Variants in APEX1 observed in about 807,000 individuals in gnomAD.
APEX1 encodes the protein DNA repair nuclease/redox regulator APEX1.
A neutral mutation model predicts 33.2 loss-of-function variants in APEX1; 32 were observed. The ratio of observed to expected loss-of-function variants is 0.96; its 90% confidence interval spans 0.73 to 1.29. The LOEUF is 1.29. Ranked by LOEUF, APEX1 falls within the 50% of genes most tolerant of loss-of-function variation. The probability of loss-of-function intolerance (pLI) is 0.00; values close to 1 mark genes in which losing one functional copy is unlikely to be tolerated. For missense variants in APEX1, 442 were observed against 395.6 expected (o/e 1.12, Z -0.99); for synonymous variants, 175 against 156.6 (o/e 1.12, Z -0.88).
At position 20,457,204 on chromosome 14, in the gene APEX1, T is replaced by C. The variant is rs755440221; in HGVS notation, c.653T>C (p.Ile218Thr). The C allele has an allele frequency of 5.7e-5, 92 of 1,614,134 alleles. No homozygotes were observed. Among genetic ancestry groups the C allele is most frequent in the East Asian group, 6.7e-5 (3 of 44,878 alleles). Residue 218 changes from isoleucine (I) to threonine (T), a missense_variant, in exon 5 of 5, where the codon ATT (isoleucine) becomes ACT (threonine). By Grantham distance (89) the Ile-to-Thr change is moderately conservative (BLOSUM62 -1). Transcript: ENST00000216714. ...GACCTCAATGTGGCACATGAAGAAA[T>C]TGACCTTCGCAACCCCAAGGGGAAC... ...CGDLNVAHEE[I>T]DLRNPKGNKK...
rs1881258935 is a variant in APEX1 at position 20,455,264 on chromosome 14, C to G, written c.-199C>G. 6 of 387,838 alleles carry G rather than the reference C, an allele frequency of 1.5e-5. No individual in the cohort carries two copies. Among genetic ancestry groups the G allele is most frequent in the Non-Finnish European group, 1.9e-5 (4 of 206,556 alleles). 24.0% of individuals were successfully genotyped at this position (387,838 alleles called of 1,614,324 possible). On this transcript the variant is annotated 5_prime_UTR_variant, in exon 1 of 5. It adds an upstream start codon to the 5' untranslated region. Coordinates refer to ENST00000216714, the MANE Select transcript of APEX1 (RefSeq NM_001641.4). ...GGGTTAGGAGGAGCTAGGCTGCCAT[C>G]GGGCCGGTGCAGATACGGGGTTGCT...
In APEX1 at chr14:20,456,666, A is replaced by G. The variant is rs1881379786; in HGVS notation, c.247-2A>G. On this transcript the variant is annotated splice_acceptor_variant, in intron 3 of 4. Transcript: ENST00000216714. LOFTEE classifies it high-confidence loss of function. ...GTTTTCCACCTTTCTTTTCACTTAC[A>G]GTGGGTAAAGGAAGAAGCCCCAGAT... 2 of 1,613,324 alleles carry G rather than the reference A, an allele frequency of 1.2e-6. No individual in the cohort carries two copies. Among genetic ancestry groups the G allele is most frequent in the South Asian group, 1.1e-5 (1 of 91,070 alleles).
At chr14:20,456,592 G>C in intron 3 of APEX1, 76 bp from the exon 4 acceptor site, 1 of 1,409,160 alleles carries the variant, frequency 7.1e-7, no homozygotes, top group Non-Finnish European at 1.0e-6. Context: ...GCGTATCTAT[G>C]ACTTAGCATA....
Position 20,455,678 on chromosome 14 carries a change from G to C in APEX1, c.33G>C (p.Ala11=). 6.2e-7 allele frequency: 1 copy of C among 1,614,098 alleles called. No individual in the cohort carries two copies. The highest frequency in any genetic ancestry group is 1.3e-5 in the African/African-American group (1 of 75,034). Residue 11 remains alanine, a synonymous_variant, in exon 2 of 5, where the codon GCG becomes GCC. Transcript: ENST00000216714. ...AGCGTGGGAAAAAGGGAGCGGTGGC[G>C]GAAGACGGGGATGAGCTCAGGACAG... MPKRGKKGAV[A]EDGDELRTEP...
At chr14:20,455,817 T>C (rs1881301153) in intron 2 of APEX1, 97 bp from the exon 3 acceptor site, 1 of 1,613,586 alleles carries the variant, frequency 6.2e-7, no homozygotes, top group Non-Finnish European at 8.5e-7. Flanking sequence ...TGTGAAGAAG[T>C]CGCAGGAACC....
At chr14:20,456,194 T>C in intron 3 of APEX1, 93 bp downstream of exon 3, 1 of 1,432,526 alleles carries the variant, frequency 7.0e-7, no homozygotes, top group Non-Finnish European at 9.7e-7. Flanking sequence ...TCAGGCTGTT[T>C]TATTTTTCTC....
Position 20,457,073 on chromosome 14 carries a change from T to C in APEX1, c.522T>C (p.Asn174=), listed in dbSNP as rs1017230745. 9.9e-6 allele frequency: 16 copies of C among 1,614,228 alleles called. No individual in the cohort carries two copies. Among genetic ancestry groups the C allele is most frequent in the Non-Finnish European group, 1.4e-5 (16 of 1,180,030 alleles). ...SFVLVTAYVP[N]AGRGLVRLEY... ...TGCTGGTAACAGCATATGTACCTAATGCAGGCCGAGGTCTGGTACGACTGG... is the reference window on the plus strand; with the variant it reads ...TGCTGGTAACAGCATATGTACCTAACGCAGGCCGAGGTCTGGTACGACTGG... Residue 174 remains asparagine (N), a synonymous_variant, in exon 5 of 5, where the codon AAT becomes AAC. Transcript: ENST00000216714.
At chr14:20,455,840 T>A in intron 2 of APEX1, 74 bp from the exon 3 acceptor site, 1 of 1,613,766 alleles carries the variant, frequency 6.2e-7, no homozygotes, top group East Asian at 2.2e-5. Flanking sequence ...AGGCTTTCGT[T>A]GGGTCTATAG....
intron 4 of APEX1, 54 bp from the exon 5 acceptor site, chr14:20,456,937 A>G: frequency 6.2e-7 from 1 of 1,603,966 alleles, no homozygotes; most frequent in Non-Finnish European, 8.5e-7. Flanking sequence ...CCACCTCTTG[A>G]TTGCTTTCCC....
chr14:20,455,537 C>T, intron 1 of APEX1, 41 bp from the exon 2 acceptor site: 1 of 1,582,544 alleles, frequency 6.3e-7, no homozygotes, highest in Non-Finnish European at 8.6e-7. Context: ...GGAGTCTTCT[C>T]CCCAGCCTTA....
At position 20,456,118 on chromosome 14, in the gene APEX1, GGAAA is replaced by G. The variant is rs562122300; in HGVS notation, c.246+20_246+23del. 224 of 1,612,844 alleles carry G rather than the reference GGAAA, an allele frequency of 1.4e-4. No individual in the cohort carries two copies. In the African/African-American group the frequency reaches 2.5e-3, roughly 18 times the overall value. ...GGATTAGATGTGAGTGGAATTTGAG[GGAAA>G]GAGACATTTTTTAGTATTGAATGGT... On this transcript the variant is annotated intron_variant, in intron 3 of 4. Coordinates refer to ENST00000216714, the MANE Select transcript of APEX1 (RefSeq NM_001641.4).
Position 20,457,489 on chromosome 14 carries a change from C to G in APEX1, c.938C>G (p.Thr313Ser), listed in dbSNP as rs761255137. Residue 313 changes from threonine to serine, a missense_variant, in exon 5 of 5, where the codon ACC (threonine) becomes AGC (serine). Coordinates refer to ENST00000216714, the MANE Select transcript of APEX1 (RefSeq NM_001641.4). The part of the protein sequence containing the change: ...KALGSDHCPI[T>S]LYLAL Reference sequence around the variant, plus strand: ...CTCGGCAGTGATCACTGTCCTATCACCCTATACCTAGCACTGTGACACCAC... The same window carrying G: ...CTCGGCAGTGATCACTGTCCTATCAGCCTATACCTAGCACTGTGACACCAC... 1.2e-6 allele frequency: 2 copies of G among 1,614,128 alleles called. No individual in the cohort carries two copies. The highest frequency in any genetic ancestry group is 8.5e-7 in the Non-Finnish European group (1 of 1,180,032).
In APEX1 at chr14:20,455,918, A is replaced by G; in HGVS notation, c.63A>G (p.Pro21=). 6.2e-7 allele frequency: 1 copy of G among 1,614,170 alleles called. No homozygotes were observed. The highest frequency in any genetic ancestry group is 1.1e-5 in the South Asian group (1 of 91,084). Residue 21 remains proline (P), a synonymous_variant, in exon 3 of 5, where the codon CCA becomes CCG. Coordinates refer to ENST00000216714, the MANE Select transcript of APEX1 (RefSeq NM_001641.4). ...TATATATTACTCATTTTATAGAGCC[A>G]GAGGCCAAGAAGAGTAAGACGGCCG... ...AEDGDELRTE[P]EAKKSKTAAK... is the part of the protein sequence containing the mutation.
rs777128613 is a variant in APEX1 at position 20,457,450 on chromosome 14, TC to T, written c.901del (p.Arg301ValfsTer16). On this transcript the variant is annotated frameshift_variant, in exon 5 of 5. Transcript: ENST00000216714. LOFTEE classifies it high-confidence loss of function. ...SLLPALCDSK[I>X]RSKALGSDHC... ...TTACCTGCATTGTGTGACAGCAAGA[TC>T]CGTTCCAAGGCCCTCGGCAGTGATC... is the stretch of plus-strand genomic sequence containing the variant. 1 of 1,614,214 alleles carries T rather than the reference TC, an allele frequency of 6.2e-7. No homozygotes were observed. The highest frequency in any genetic ancestry group is 8.5e-7 in the Non-Finnish European group (1 of 1,180,030).
At chr14:20,455,749 G>A in intron 2 of APEX1, 46 bp downstream of exon 2, 3 of 1,614,142 alleles carry the variant, frequency 1.9e-6, no homozygotes, top group Non-Finnish European at 2.5e-6. Flanking sequence ...TGCGGCGGGG[G>A]TGTTTGTCAT....
In APEX1 at chr14:20,456,831, A is replaced by C; in HGVS notation, c.410A>C (p.Gln137Pro). Reference protein sequence around the residue: ...GYSGVGLLSRQCPLKVSYGIG... With the variant: ...GYSGVGLLSRPCPLKVSYGIG... ...AGTGGCGTGGGCCTGCTTTCCCGCCAGTGCCCACTCAAAGTTTCTTACGGC... is the reference window on the plus strand; with the variant it reads ...AGTGGCGTGGGCCTGCTTTCCCGCCCGTGCCCACTCAAAGTTTCTTACGGC... The change falls in exon 4 of 5, where the codon CAG becomes CCG. Residue 137 changes from glutamine to proline, a missense_variant. By Grantham distance (76) the Gln-to-Pro change is moderately conservative. Transcript: ENST00000216714. 1 of 1,614,174 alleles carries C rather than the reference A, an allele frequency of 6.2e-7. No homozygotes were observed. The highest frequency in any genetic ancestry group is 1.1e-5 in the South Asian group (1 of 91,086).
rs1465972450 is a variant in APEX1, at chr14:20,456,790, G to A, written c.369G>A (p.Ser123=). ...GLSHQYWSAP[S]DKEGYSGVGL... ...CTCATCAATACTGGTCAGCTCCTTC[G>A]GACAAGGAAGGGTACAGTGGCGTGG... is the stretch of plus-strand genomic sequence containing the variant. The change falls in exon 4 of 5, where the codon TCG becomes TCA. Residue 123 remains serine, a synonymous_variant. Coordinates refer to ENST00000216714, the MANE Select transcript of APEX1 (RefSeq NM_001641.4). The A allele has an allele frequency of 1.2e-5, 19 of 1,614,196 alleles. No homozygotes were observed. Among genetic ancestry groups the A allele is most frequent in the African/African-American group, 1.3e-5 (1 of 75,064 alleles).
At chr14:20,456,888 G>C in intron 4 of APEX1, 28 bp downstream of exon 4, 1 of 1,609,898 alleles carries the variant, frequency 6.2e-7, no homozygotes, top group Non-Finnish European at 8.5e-7. Flanking sequence ...CCTAATGCCT[G>C]AACTCTTCAA....
In APEX1 at chr14:20,457,374, T is replaced by C; in HGVS notation, c.823T>C (p.Ser275Pro). The C allele has an allele frequency of 6.2e-7, 1 of 1,614,238 alleles. No homozygotes were observed. The highest frequency in any genetic ancestry group is 1.1e-5 in the South Asian group (1 of 91,088). The part of the protein sequence containing the change: ...TFWTYMMNAR[S>P]KNVGWRLDYF... ...TTGGACTTATATGATGAATGCTCGA[T>C]CCAAGAATGTTGGTTGGCGCCTTGA... Residue 275 changes from serine to proline, a missense_variant, in exon 5 of 5, where the codon TCC becomes CCC. Physicochemically the swap from Ser to Pro is moderately conservative, Grantham distance 74. Transcript: ENST00000216714.
Sources: allele counts gnomAD v4.1 joint callset, GRCh38; gene constraint gnomAD v4.1.1; transcripts MANE v1.5; gene names NCBI Gene and HGNC (gene_info 2026-07-23, HGNC 2026-07-21).